The following CACNA1E variants were observed in gnomAD, a reference collection of about 807,000 sequenced individuals.
CACNA1E encodes the protein calcium voltage-gated channel subunit alpha1 E.
A neutral mutation model predicts 259.2 loss-of-function variants in CACNA1E; 40 were observed. The observed-to-expected ratio is 0.15, with a 90% CI of 0.12 to 0.20. The LOEUF (loss-of-function observed/expected upper bound fraction) is 0.20, where lower values mean the gene tolerates loss of function less well. CACNA1E is among the 10% of genes least tolerant of loss of function. The pLI, the probability that CACNA1E is intolerant of heterozygous loss-of-function variation, is 1.00. For synonymous variants in CACNA1E, 1,104 were observed against 1,138.5 expected (o/e 0.97, Z 0.61); for missense variants, 1,874 against 3,040.1 (o/e 0.62, Z 9.02).
chr1:181,489,046 G>A (rs1363061228), intron 1 of CACNA1E, among the ~76,000 whole-genome samples: 2 of 152,134 alleles, frequency 1.3e-5, no homozygotes, highest in African/African-American at 4.8e-5. Flanking sequence ...TGTGTTTGAT[G>A]AGCAGGTCAG....
intron 27 of CACNA1E, among the ~76,000 whole-genome samples, chr1:181,754,658 C>T (rs982924359): frequency 6.6e-6 from 1 of 152,182 alleles, no homozygotes; most frequent in East Asian, 1.9e-4. Context: ...CAAATGCAGC[C>T]ACCTTCACTA....
intron 1 of CACNA1E, among the ~76,000 whole-genome samples, chr1:181,390,432 AATAGACATTTGTTGAGCTTCTGCGT>A (rs1656179816): frequency 1.3e-5 from 2 of 152,092 alleles, no homozygotes; most frequent in Admixed American, 1.3e-4. Flanking sequence ...GATTCAGTTC[AATAGACATTTGTTGAGCTTCTGCGT>A]GTCCTTCCTG....
At chr1:181,447,809 G>A (rs1209283011) in intron 2 of CACNA1E, among the ~76,000 whole-genome samples, 4 of 152,104 alleles carry the variant, frequency 2.6e-5, no homozygotes, top group Admixed American at 6.5e-5. Context: ...CTGTAGGGTC[G>A]CAGTTTCCTT....
chr1:181,654,917 G>A (rs536086638), intron 7 of CACNA1E, among the ~76,000 whole-genome samples: 41 of 150,752 alleles, frequency 2.7e-4, no homozygotes, highest in African/African-American at 9.2e-4. Flanking sequence ...CCCAGGGGGC[G>A]GAGCCTGCAG....
chr1:181,406,679 T>G (rs1280749249), intron 1 of CACNA1E, among the ~76,000 whole-genome samples: 1 of 152,198 alleles, frequency 6.6e-6, no homozygotes, highest in East Asian at 1.9e-4. Flanking sequence ...CTACTTTACA[T>G]GTATCTACTT....
intron 7 of CACNA1E, among the ~76,000 whole-genome samples, chr1:181,673,195 T>C (rs894545426): frequency 1.4e-5 from 2 of 139,872 alleles, no homozygotes; most frequent in Admixed American, 1.5e-4. Flanking sequence ...CATGTATCTG[T>C]ATGTTTATGT....
At chr1:181,557,988 G>A (rs1170815192) in intron 3 of CACNA1E, among the ~76,000 whole-genome samples, 3 of 152,208 alleles carry the variant, frequency 2.0e-5, no homozygotes, top group South Asian at 2.1e-4. Context: ...GAGCAAAAAG[G>A]AGTAGTCTCA....
chr1:181,365,261 A>G (rs1654182967), intron 1 of CACNA1E, among the ~76,000 whole-genome samples: 1 of 152,168 alleles, frequency 6.6e-6, no homozygotes. Flanking sequence ...TCAACCTCCC[A>G]GGCTCAAGTG....
At chr1:181,770,437 C>A (rs961166470) in intron 35 of CACNA1E, among the ~76,000 whole-genome samples, 6 of 152,086 alleles carry the variant, frequency 3.9e-5, no homozygotes, top group Non-Finnish European at 8.8e-5. Context: ...CTGAGTGTTC[C>A]CTCTTTTGAA....
At chr1:181,370,505 C>A (rs1157913396) in intron 1 of CACNA1E, among the ~76,000 whole-genome samples, 1 of 152,132 alleles carries the variant, frequency 6.6e-6, no homozygotes, top group Non-Finnish European at 1.5e-5. Flanking sequence ...TGTTTGGCTC[C>A]CGCTTATAAG....
intron 6 of CACNA1E, among the ~76,000 whole-genome samples, chr1:181,631,071 A>G (rs1656689382): frequency 6.6e-6 from 1 of 152,144 alleles, no homozygotes; most frequent in Admixed American, 6.5e-5. Context: ...TTGAAGGCCT[A>G]CTCTCCAAGA....
intron 37 of CACNA1E, among the ~76,000 whole-genome samples, chr1:181,774,142 C>T (rs1293313038): frequency 6.6e-6 from 1 of 152,232 alleles, no homozygotes; most frequent in African/African-American, 2.4e-5. Context: ...AGAGTTGGAG[C>T]AAGCGTAACA....
chr1:181,794,811 C>A (rs1180573563), intron 45 of CACNA1E, 53 bp from the exon 46 acceptor site: 4 of 1,516,300 alleles, frequency 2.6e-6, no homozygotes, highest in Admixed American at 3.8e-5. Context: ...CCTTTTAGAT[C>A]TTTTCAATCG....
intron 7 of CACNA1E, among the ~76,000 whole-genome samples, chr1:181,692,124 C>T (rs1312193270): frequency 6.6e-6 from 1 of 151,950 alleles, no homozygotes; most frequent in Non-Finnish European, 1.5e-5. Context: ...AGATCTCTAC[C>T]AACAAGAAAA....
intron 1 of CACNA1E, among the ~76,000 whole-genome samples, chr1:181,496,528 A>G (rs759438538): frequency 6.6e-6 from 1 of 152,150 alleles, no homozygotes; most frequent in Non-Finnish European, 1.5e-5. Context: ...TGTTTGTTCT[A>G]TCAGATAAGA....
chr1:181,651,650 G>C (rs1658767701), intron 7 of CACNA1E: 2 of 491,876 alleles, frequency 4.1e-6, no homozygotes, highest in South Asian at 5.2e-5. Flanking sequence ...GAATTAAAAA[G>C]TCTTGATGTC....
rs7540850 is a variant in CACNA1E, at chr1:181,717,080, T to C, written c.1316-13T>C. The C allele has an allele frequency of 0.7, 1,132,549 of 1,610,998 alleles. 406,734 individuals carry two copies. The highest frequency in any genetic ancestry group is 0.79 in the East Asian group (35,228 of 44,860). On this transcript the variant is annotated splice_polypyrimidine_tract_variant and intron_variant, in intron 10 of 47. Coordinates refer to ENST00000367573, the MANE Select transcript of CACNA1E (RefSeq NM_001205293.3). Reference sequence around the variant, plus strand: ...ATTTTGCAGTCTCATTCTTCCTTACTTCTCCCTCTTAGGCACACCTCTGGC... The same window carrying C: ...ATTTTGCAGTCTCATTCTTCCTTACCTCTCCCTCTTAGGCACACCTCTGGC...
intron 3 of CACNA1E, among the ~76,000 whole-genome samples, chr1:181,524,975 C>A (rs1268333068): frequency 6.6e-6 from 1 of 152,226 alleles, no homozygotes; most frequent in Non-Finnish European, 1.5e-5. Flanking sequence ...TTATTAGTAA[C>A]ATCCATTGAG....
At chr1:181,639,976 G>A (rs1558215574) in intron 6 of CACNA1E, among the ~76,000 whole-genome samples, 2 of 152,166 alleles carry the variant, frequency 1.3e-5, no homozygotes, top group Non-Finnish European at 1.5e-5. Flanking sequence ...AGTCTGAGTG[G>A]GAAGGAACCC....
Sources: gnomAD v4.1 joint callset for allele counts (sites outside exome capture counted in the v4.1 genomes callset) on GRCh38, gnomAD v4.1.1 for gene constraint, MANE v1.5 for transcripts, NCBI Gene and HGNC (gene_info 2026-07-23, HGNC 2026-07-21) for gene names.